CCDC12: variants seen among roughly 807,000 people sequenced by gnomAD.
CCDC12 encodes the protein coiled-coil domain-containing protein 12.
A neutral mutation model predicts 25.7 loss-of-function variants in CCDC12; 28 were observed. That is an observed-to-expected ratio of 1.09 (90% CI 0.81 to 1.50). CCDC12 has a LOEUF of 1.50. Among genes scored for constraint, CCDC12 ranks in the 40% most tolerant of loss-of-function variants. The probability of loss-of-function intolerance (pLI) is 0.00; values close to 1 mark genes in which losing one functional copy is unlikely to be tolerated. For synonymous variants in CCDC12, 75 were observed against 87.7 expected (o/e 0.86, Z 0.81); for missense variants, 198 against 210.0 (o/e 0.94, Z 0.35).
At chr3:46,970,449 G>C (rs975404628) in intron 1 of CCDC12, among the ~76,000 whole-genome samples, 3 of 152,198 alleles carry the variant, frequency 2.0e-5, no homozygotes, top group African/African-American at 7.2e-5. Flanking sequence ...TCAAGGGCTT[G>C]AAAGTCACAG....
At chr3:46,940,649 C>T (rs2033663664) in intron 2 of CCDC12, 1 of 263,238 alleles carries the variant, frequency 3.8e-6, no homozygotes, top group Admixed American at 4.8e-5. Context: ...ATGGTCCAGG[C>T]AGAGCTTCAC....
intron 1 of CCDC12, among the ~76,000 whole-genome samples, chr3:46,974,715 T>G (rs1216938224): frequency 6.6e-6 from 1 of 152,178 alleles, no homozygotes; most frequent in Non-Finnish European, 1.5e-5. Flanking sequence ...GTCCAGCCTG[T>G]TTTTTCAGTT....
chr3:46,942,401 A>G (rs4683290), intron 1 of CCDC12, among the ~76,000 whole-genome samples: 145,659 of 152,356 alleles, frequency 0.96, 70,002 homozygotes, highest in East Asian at 1. Context: ...GCAGTGTTCT[A>G]AGAGAGATCT....
chr3:46,937,667 T>C (rs1207309913), intron 2 of CCDC12, among the ~76,000 whole-genome samples: 2 of 152,188 alleles, frequency 1.3e-5, no homozygotes, highest in Non-Finnish European at 2.9e-5. Context: ...TGAGAGCCCC[T>C]TTCCAGACTT....
chr3:46,935,637 T>A (rs1335826036), intron 2 of CCDC12, among the ~76,000 whole-genome samples: 2 of 152,130 alleles, frequency 1.3e-5, no homozygotes, highest in Non-Finnish European at 2.9e-5. Flanking sequence ...GGAGCTGCCT[T>A]AGGGATGAGT....
chr3:46,951,798 A>AAAAAAAAAAATATATATATATATAT, intron 1 of CCDC12, among the ~76,000 whole-genome samples: 5 of 8,464 alleles, frequency 5.9e-4, no homozygotes, highest in Non-Finnish European at 5.6e-4. Flanking sequence ...AAAAAAAAAA[A>AAAAAAAAAAATATATATATATATAT]ATATATATAT....
chr3:46,938,624 G>A (rs28668495), intron 2 of CCDC12, among the ~76,000 whole-genome samples: 2,586 of 151,144 alleles, frequency 0.017, 82 homozygotes, highest in African/African-American at 0.059. Flanking sequence ...GCTGAAGTGG[G>A]TGGACTGCCT....
chr3:46,977,019 G>C (rs1240784614), upstream of CCDC12: 8 of 491,714 alleles, frequency 1.6e-5, no homozygotes, highest in Non-Finnish European at 2.9e-5. Context: ...ATCAGTGAAA[G>C]AGCAGCAAGT....
intron 2 of CCDC12, among the ~76,000 whole-genome samples, chr3:46,928,254 G>GTA (rs1478910836): frequency 6.6e-6 from 1 of 151,858 alleles, no homozygotes; most frequent in Non-Finnish European, 1.5e-5. Context: ...AAAAAAAAAT[G>GTA]TATATATATG....
At chr3:46,936,773 C>A (rs193031935) in intron 2 of CCDC12, among the ~76,000 whole-genome samples, 2 of 152,286 alleles carry the variant, frequency 1.3e-5, no homozygotes, top group East Asian at 3.9e-4. Flanking sequence ...ATATATGGAA[C>A]TGACCACCAG....
chr3:46,952,796 A>G (rs1245169927), intron 1 of CCDC12, among the ~76,000 whole-genome samples: 2 of 152,238 alleles, frequency 1.3e-5, no homozygotes. Flanking sequence ...TGAAAATCTA[A>G]TAAGGTCAGC....
chr3:46,925,730 G>T (rs777396031), intron 2 of CCDC12, among the ~76,000 whole-genome samples, 195 bp from the exon 3 acceptor site: 1 of 152,234 alleles, frequency 6.6e-6, no homozygotes, highest in Non-Finnish European at 1.5e-5. Context: ...GCCACTTAGC[G>T]GGACTGGCTG....
chr3:46,936,260 T>G lies in CCDC12; in HGVS notation c.164+4738A>C, dbSNP rs76485866. On this transcript the variant is annotated intron_variant, in intron 2 of 6. Transcript: ENST00000683445. Reference sequence around the variant, plus strand: ...AAAGTGGTTCCTAATCACAAACTTCTAAGTCACATTTCCTTATTTCTACTC... The same window carrying G: ...AAAGTGGTTCCTAATCACAAACTTCGAAGTCACATTTCCTTATTTCTACTC... Among the ~76,000 whole-genome samples the G allele has an allele frequency of 5.8e-3, 881 of 152,374 alleles. 10 individuals are homozygous for G. Among genetic ancestry groups the G allele is most frequent in the African/African-American group, 0.021 (857 of 41,574 alleles).
chr3:46,945,551 T>C (rs1426844680), intron 1 of CCDC12, among the ~76,000 whole-genome samples: 2 of 152,260 alleles, frequency 1.3e-5, no homozygotes, highest in Admixed American at 1.3e-4. Context: ...ATGTTTGAAA[T>C]CCTTTTTATC....
At chr3:46,964,996 T>G (rs1400114491) in intron 1 of CCDC12, among the ~76,000 whole-genome samples, 1 of 151,726 alleles carries the variant, frequency 6.6e-6, no homozygotes. Context: ...AATTAAAATC[T>G]AGAGAGAACT....
intron 1 of CCDC12, among the ~76,000 whole-genome samples, chr3:46,950,103 C>A (rs2034057223): frequency 6.6e-6 from 1 of 151,976 alleles, no homozygotes; most frequent in Non-Finnish European, 1.5e-5. Flanking sequence ...TGTCCCTCAG[C>A]GATGGGCCTA....
chr3:46,947,436 G>A lies in CCDC12; in HGVS notation c.97-6371C>T, dbSNP rs572158209. ...GAGCTGTGTTCCAAGGGCACTTAGCGGGTAGGGCAGTCACCCGGAGTCTGA... is the reference window on the plus strand; with the variant it reads ...GAGCTGTGTTCCAAGGGCACTTAGCAGGTAGGGCAGTCACCCGGAGTCTGA... On this transcript the variant is annotated intron_variant, in intron 1 of 6. Transcript: ENST00000683445. Among the ~76,000 whole-genome samples the A allele has an allele frequency of 1.1e-4, 17 of 152,322 alleles. 1 individual carries two copies. Among genetic ancestry groups the A allele is most frequent in the Admixed American group, 2.6e-4 (4 of 15,308 alleles).
intron 2 of CCDC12, among the ~76,000 whole-genome samples, chr3:46,927,977 C>A (rs1260195677): frequency 6.6e-6 from 1 of 152,298 alleles, no homozygotes; most frequent in East Asian, 1.9e-4. Context: ...GGGGACCTGG[C>A]CTTTCCAACA....
At chr3:46,931,838 C>A (rs1275542717) in intron 2 of CCDC12, among the ~76,000 whole-genome samples, 1 of 152,238 alleles carries the variant, frequency 6.6e-6, no homozygotes, top group Non-Finnish European at 1.5e-5. Flanking sequence ...GAGAGACTGG[C>A]AACTTTGATC....
Sources: gnomAD v4.1 joint callset for allele counts (sites outside exome capture counted in the v4.1 genomes callset) on GRCh38, gnomAD v4.1.1 for gene constraint, MANE v1.5 for transcripts, NCBI Gene and HGNC (gene_info 2026-07-23, HGNC 2026-07-21) for gene names.